The following PLXNA2 variants were observed in gnomAD, a reference collection of about 807,000 sequenced individuals.
PLXNA2 encodes plexin A2.
A neutral mutation model predicts 193.5 loss-of-function variants in PLXNA2; 91 were observed. The ratio of observed to expected loss-of-function variants is 0.47; its 90% CI spans 0.40 to 0.56. PLXNA2 has a LOEUF of 0.56. Ranked by LOEUF, PLXNA2 falls within the 20% of genes least tolerant of loss-of-function variation. PLXNA2 has a pLI of 0.00. For missense variants in PLXNA2, 1,995 were observed against 2,503.2 expected (o/e 0.80, Z 4.33); for synonymous variants, 997 against 1,027.3 (o/e 0.97, Z 0.56).
chr1:208,129,951 C>A (rs1423127614), intron 4 of PLXNA2, among the ~76,000 whole-genome samples: 4 of 152,210 alleles, frequency 2.6e-5, no homozygotes, highest in African/African-American at 9.7e-5. Context: ...CTCTGCCCAC[C>A]TCTTTCTTAT....
In PLXNA2 at chr1:208,111,505, A is replaced by C. The variant is rs924645554; in HGVS notation, c.1507-8258T>G. ...ACAGCTTGGGTAGTGGCCGCAGCAG[A>C]AGTTTTCTGTCCCGGTCTTGCCAGT... On this transcript the variant is annotated intron_variant, in intron 4 of 31. Transcript: ENST00000367033. Among the ~76,000 whole-genome samples, 39 of 152,284 alleles carry C rather than the reference A, an allele frequency of 2.6e-4. 1 individual carries two copies. Among genetic ancestry groups the C allele is most frequent in the East Asian group, 3.9e-4 (2 of 5,182 alleles).
chr1:208,214,489 C>CA (rs1671062117), intron 2 of PLXNA2, among the ~76,000 whole-genome samples: 1 of 152,226 alleles, frequency 6.6e-6, no homozygotes, highest in Non-Finnish European at 1.5e-5. Context: ...CCACACCAAG[C>CA]AAATGATGAC....
chr1:208,050,667 T>C (rs1359298403), intron 17 of PLXNA2, among the ~76,000 whole-genome samples: 1 of 151,844 alleles, frequency 6.6e-6, no homozygotes, highest in Non-Finnish European at 1.5e-5. Flanking sequence ...ACCTCATCTC[T>C]AAAATAATAA....
chr1:208,191,847 G>A (rs1670192378), intron 3 of PLXNA2, among the ~76,000 whole-genome samples: 1 of 152,180 alleles, frequency 6.6e-6, no homozygotes, highest in African/African-American at 2.4e-5. Flanking sequence ...ATGAGGAGGT[G>A]TTAGCTGGGC....
chr1:208,200,158 T>C (rs953129132), intron 3 of PLXNA2, among the ~76,000 whole-genome samples: 2 of 152,188 alleles, frequency 1.3e-5, no homozygotes, highest in South Asian at 2.1e-4. Flanking sequence ...GGATGGCTGA[T>C]TGGGACAACC....
chr1:208,082,205 G>A lies in PLXNA2; in HGVS notation c.2395+207C>T, dbSNP rs1666366731. On this transcript the variant is annotated intron_variant, in intron 11 of 31. Coordinates refer to ENST00000367033, the MANE Select transcript of PLXNA2 (RefSeq NM_025179.4). This position sits in a 1 kb window ranked among gnomAD's most constrained non-coding sequence, Gnocchi z 4.2. ...ACGTGGATGGGCCGGCGGCCGCCCA[G>A]CGGATGCTCTGGTTGTAATAAAACA... Among the ~76,000 whole-genome samples the A allele has an allele frequency of 6.6e-6, 1 of 152,184 alleles. No homozygotes were observed. Among genetic ancestry groups the A allele is most frequent in the African/African-American group, 2.4e-5 (1 of 41,434 alleles).
In PLXNA2 at chr1:208,142,429, T is replaced by C. The variant is rs749880805; in HGVS notation, c.1406A>G (p.Gln469Arg). 1.2e-6 allele frequency: 2 copies of C among 1,612,916 alleles called. No homozygotes were observed. Among genetic ancestry groups the C allele is most frequent in the Admixed American group, 1.7e-5 (1 of 59,694 alleles). The part of the protein sequence containing the change: ...RADGPPHGGV[Q>R]YEMVSVLKDG... ...CTTGAGCACAGAGACCATCTCGTAC[T>C]GGACCCCACCATGGGGGGGACCGTC... Residue 469 changes from glutamine (Q) to arginine (R), a missense_variant, in exon 4 of 32, where the codon CAG becomes CGG. By Grantham distance (43) the Gln-to-Arg change is conservative. Around this residue, in one of 3 missense-constraint regions of PLXNA2, gnomAD observed 702 missense variants for 812.9 expected, o/e 0.86. Coordinates refer to ENST00000367033, the MANE Select transcript of PLXNA2 (RefSeq NM_025179.4).
intron 4 of PLXNA2, among the ~76,000 whole-genome samples, chr1:208,109,893 T>C (rs914880907): frequency 1.3e-5 from 2 of 152,256 alleles, no homozygotes; most frequent in African/African-American, 4.8e-5. Flanking sequence ...CTACAGCTCC[T>C]AGTACCCAGT....
intron 11 of PLXNA2, among the ~76,000 whole-genome samples, chr1:208,080,816 A>T (rs1410516708): frequency 1.3e-5 from 2 of 152,152 alleles, no homozygotes; most frequent in Non-Finnish European, 2.9e-5. Context: ...CCTTCCCTCC[A>T]CTTCACAGAT....
intron 4 of PLXNA2, among the ~76,000 whole-genome samples, chr1:208,134,561 T>C (rs1328554993): frequency 6.6e-6 from 1 of 152,168 alleles, no homozygotes; most frequent in Non-Finnish European, 1.5e-5. Context: ...TTATCCTCAC[T>C]TTCCTAATCC....
chr1:208,224,335 CAA>C (rs1024405131), intron 1 of PLXNA2, among the ~76,000 whole-genome samples: 3 of 118,388 alleles, frequency 2.5e-5, no homozygotes, highest in African/African-American at 6.7e-5. Flanking sequence ...CATTGAGAAC[CAA>C]GAGAGAGGAG....
chr1:208,060,622 G>A (rs1274425708), intron 13 of PLXNA2, 64 bp downstream of exon 13: 11 of 1,453,578 alleles, frequency 7.6e-6, no homozygotes, highest in Admixed American at 1.9e-5. Context: ...GAAGGGAGAG[G>A]GGAGAGTCTC....
intron 4 of PLXNA2, among the ~76,000 whole-genome samples, chr1:208,114,586 A>C (rs1320517333): frequency 6.6e-6 from 1 of 152,260 alleles, no homozygotes; most frequent in Non-Finnish European, 1.5e-5. Context: ...TCATGCTGTA[A>C]AACAGAATTT....
intron 12 of PLXNA2, among the ~76,000 whole-genome samples, chr1:208,063,610 G>C (rs1665685764): frequency 6.6e-6 from 1 of 152,116 alleles, no homozygotes; most frequent in Admixed American, 6.6e-5. Context: ...AAAGTGTCTG[G>C]GGAGTGTAGG....
chr1:208,038,340 G>A lies in PLXNA2; in HGVS notation c.4764+31C>T, dbSNP rs774054450. The stretch of plus-strand genomic sequence containing the variant: ...TAGCGGGAAGGGAACATTCTGGGAA[G>A]CTGAAGAGGGGAAAAGACACCCCCT... On this transcript the variant is annotated intron_variant, in intron 26 of 31. Transcript: ENST00000367033. The surrounding 1 kb of genome is among the most constrained non-coding windows in gnomAD (Gnocchi z 4.1). The A allele has an allele frequency of 7.0e-7, 1 of 1,434,040 alleles. No individual in the cohort carries two copies. Among genetic ancestry groups the A allele is most frequent in the Non-Finnish European group, 9.8e-7 (1 of 1,015,480 alleles). 88.8% of individuals were successfully genotyped at this position (1,434,040 alleles called of 1,614,324 possible).
At chr1:208,194,689 C>T (rs1021542767) in intron 3 of PLXNA2, among the ~76,000 whole-genome samples, 2 of 152,082 alleles carry the variant, frequency 1.3e-5, no homozygotes, top group Admixed American at 1.3e-4. Context: ...GAAACAAAAC[C>T]CCGCCATGCA....
intron 3 of PLXNA2, among the ~76,000 whole-genome samples, chr1:208,180,322 G>A (rs1669800712): frequency 6.6e-6 from 1 of 152,106 alleles, no homozygotes; most frequent in African/African-American, 2.4e-5. Context: ...GCATTCAAGC[G>A]GTGGGAGAGG....
intron 1 of PLXNA2, among the ~76,000 whole-genome samples, chr1:208,233,404 G>A (rs1671751552): frequency 6.6e-6 from 1 of 152,102 alleles, no homozygotes; most frequent in African/African-American, 2.4e-5. Flanking sequence ...CCCATCCCCA[G>A]GCCAGACATG....
Position 208,082,573 on chromosome 1 carries a change from G to T in PLXNA2, c.2299-65C>A. 9.2e-7 allele frequency: 1 copy of T among 1,082,708 alleles called. No individual in the cohort carries two copies. The highest frequency in any genetic ancestry group is 1.4e-6 in the Non-Finnish European group (1 of 706,936). The allele number at this position is 1,082,708 out of a possible 1,614,324, so 67.1% of individuals were successfully genotyped here. A position where few individuals can be genotyped will look rare whatever the true frequency, so the allele number is the denominator to read the frequency against. ...CTCTATCACAGGGGTCAGGGATGCA[G>T]ACAAACCCTGCATGCTGCTCAGATT... On this transcript the variant is annotated intron_variant, in intron 10 of 31. Transcript: ENST00000367033. This position sits in a 1 kb window ranked among gnomAD's most constrained non-coding sequence, Gnocchi z 4.2.
Sources: gnomAD v4.1 joint callset for allele counts (sites outside exome capture counted in the v4.1 genomes callset) on GRCh38, gnomAD v4.1.1 for gene constraint, gnomAD v4.1.1 regional missense constraint, Gnocchi (gnomAD v3.1) non-coding constraint, MANE v1.5 for transcripts, NCBI Gene and HGNC (gene_info 2026-07-23, HGNC 2026-07-21) for gene names.